Variants in PTPRM observed in about 807,000 individuals in gnomAD.
PTPRM encodes protein tyrosine phosphatase receptor type M.
PTPRM carries 47 observed loss-of-function variants against 186.7 expected under a neutral mutation model. The observed-to-expected ratio is 0.25, with a 90% CI of 0.20 to 0.32. PTPRM has a LOEUF of 0.32. PTPRM is among the 10% of genes least tolerant of loss of function. PTPRM has a pLI of 1.00. For missense variants in PTPRM, 1,494 were observed against 1,865.0 expected (o/e 0.80, Z 3.66); for synonymous variants, 668 against 674.9 (o/e 0.99, Z 0.16).
chr18:8,398,480 G>A (rs1401283997), intron 32 of PTPRM, among the ~76,000 whole-genome samples: 1 of 152,114 alleles, frequency 6.6e-6, no homozygotes, highest in Non-Finnish European at 1.5e-5. Flanking sequence ...AGAATATTAA[G>A]CCTGGCCAAA....
intron 1 of PTPRM, among the ~76,000 whole-genome samples, chr18:7,625,298 C>CT (rs1435317791): frequency 6.6e-6 from 1 of 152,030 alleles, no homozygotes; most frequent in East Asian, 1.9e-4. Flanking sequence ...TCCTGATTTG[C>CT]TTTTGCTTGC....
chr18:7,677,581 C>T (rs1223797029), intron 1 of PTPRM, among the ~76,000 whole-genome samples: 1 of 152,086 alleles, frequency 6.6e-6, no homozygotes, highest in East Asian at 1.9e-4. Context: ...GTTCTTGGTA[C>T]ACGTGGCTGG....
intron 7 of PTPRM, among the ~76,000 whole-genome samples, chr18:8,068,341 A>C (rs2089234036): frequency 6.6e-6 from 1 of 152,212 alleles, no homozygotes; most frequent in Non-Finnish European, 1.5e-5. Flanking sequence ...GTATAACACA[A>C]AACATTTTAG....
At chr18:7,698,473 T>C (rs2039890246) in intron 1 of PTPRM, among the ~76,000 whole-genome samples, 1 of 152,232 alleles carries the variant, frequency 6.6e-6, no homozygotes, top group African/African-American at 2.4e-5. Flanking sequence ...AAAAGGAAGA[T>C]GTATCACATG....
At chr18:7,703,184 A>AT (rs778183274) in intron 1 of PTPRM, among the ~76,000 whole-genome samples, 5 of 151,708 alleles carry the variant, frequency 3.3e-5, no homozygotes, top group South Asian at 2.1e-4. Flanking sequence ...AATTTGAAGT[A>AT]TTTTTTTTCT....
intron 11 of PTPRM, among the ~76,000 whole-genome samples, chr18:8,113,150 TA>T: frequency 1.3e-5 from 2 of 152,350 alleles, no homozygotes; most frequent in Non-Finnish European, 2.9e-5. Context: ...TAATTATCTG[TA>T]AAATCATCGT....
chr18:8,350,188 C>G (rs563191153), intron 23 of PTPRM, among the ~76,000 whole-genome samples: 8 of 152,282 alleles, frequency 5.3e-5, no homozygotes, highest in African/African-American at 1.9e-4. Context: ...GATCTTGAGC[C>G]CATTTCGGCA....
chr18:8,125,799 A>G (rs2145865769), intron 13 of PTPRM, among the ~76,000 whole-genome samples: 1 of 151,854 alleles, frequency 6.6e-6, no homozygotes, highest in African/African-American at 2.4e-5. Context: ...TTCACTGTTC[A>G]TAATACAGAA....
intron 14 of PTPRM, among the ~76,000 whole-genome samples, chr18:8,195,250 A>G (rs1477269756): frequency 6.6e-6 from 1 of 150,552 alleles, no homozygotes; most frequent in East Asian, 2.0e-4. Context: ...CCTCTGGCCT[A>G]AGTATGTATT....
chr18:8,322,397 A>G lies in PTPRM; in HGVS notation c.2956+3183A>G, dbSNP rs111803972. 6.0e-3 allele frequency among the ~76,000 whole-genome samples: 910 copies of G among 152,266 alleles called. 5 individuals carry two copies. Among genetic ancestry groups the G allele is most frequent in the Middle Eastern group, 0.017 (5 of 294 alleles). On this transcript the variant is annotated intron_variant, in intron 22 of 32. Coordinates refer to ENST00000580170, the MANE Select transcript of PTPRM (RefSeq NM_001105244.2). ...CAGATCTGTTGCTTTTTTAGTATTA[A>G]TATGTTCTTCCTATCTCCCCTTGGT...
intron 14 of PTPRM, among the ~76,000 whole-genome samples, chr18:8,177,137 C>T (rs1236399184): frequency 1.3e-5 from 2 of 152,114 alleles, no homozygotes; most frequent in Non-Finnish European, 2.9e-5. Flanking sequence ...AGCTAAATGA[C>T]TTAAGTATTT....
chr18:7,851,158 A>G (rs1394270381), intron 2 of PTPRM, among the ~76,000 whole-genome samples: 2 of 152,196 alleles, frequency 1.3e-5, no homozygotes, highest in Non-Finnish European at 2.9e-5. Flanking sequence ...AAAAGTATTT[A>G]ACTGGATATA....
At chr18:7,644,358 A>G (rs1200553827) in intron 1 of PTPRM, among the ~76,000 whole-genome samples, 1 of 152,162 alleles carries the variant, frequency 6.6e-6, no homozygotes, top group African/African-American at 2.4e-5. Context: ...CACTTGACTA[A>G]TAATTCTCTA....
chr18:8,346,423 G>A (rs2095505575), intron 23 of PTPRM, among the ~76,000 whole-genome samples: 2 of 152,170 alleles, frequency 1.3e-5, no homozygotes, highest in Admixed American at 1.3e-4. Flanking sequence ...GAGAGCGCAC[G>A]CTCTGTGGTG....
chr18:8,055,755 G>T (rs1049908842), intron 7 of PTPRM, among the ~76,000 whole-genome samples: 3 of 152,174 alleles, frequency 2.0e-5, no homozygotes, highest in Non-Finnish European at 4.4e-5. Context: ...TTATGTATCA[G>T]TGTGTTTATA....
chr18:7,590,135 A>C (rs1366209556), intron 1 of PTPRM, among the ~76,000 whole-genome samples: 1 of 152,186 alleles, frequency 6.6e-6, no homozygotes, highest in Non-Finnish European at 1.5e-5. Flanking sequence ...AGTGGTGGCA[A>C]AGCTTTTGTA....
At chr18:7,871,458 T>TTTAATTAC (rs2047981229) in intron 2 of PTPRM, among the ~76,000 whole-genome samples, 2 of 152,214 alleles carry the variant, frequency 1.3e-5, no homozygotes, top group Non-Finnish European at 2.9e-5. Flanking sequence ...AACTTCGTGT[T>TTTAATTAC]TTAATTACTT....
chr18:8,185,657 G>A, intron 14 of PTPRM, among the ~76,000 whole-genome samples: 1 of 152,198 alleles, frequency 6.6e-6, no homozygotes, highest in East Asian at 1.9e-4. Flanking sequence ...TGTGTGTCTT[G>A]TTAATAGATG....
chr18:7,977,464 C>A (rs2055031607), intron 7 of PTPRM, among the ~76,000 whole-genome samples: 1 of 152,074 alleles, frequency 6.6e-6, no homozygotes, highest in African/African-American at 2.4e-5. Flanking sequence ...CAAGCAGAGG[C>A]ACCGATGGCC....
Sources: gnomAD v4.1 joint callset for allele counts (sites outside exome capture counted in the v4.1 genomes callset) on GRCh38, gnomAD v4.1.1 for gene constraint, MANE v1.5 for transcripts, NCBI Gene and HGNC (gene_info 2026-07-23, HGNC 2026-07-21) for gene names.